The following MYO9A variants were observed in gnomAD, a reference collection of about 807,000 sequenced individuals.
MYO9A encodes unconventional myosin-IXa.
MYO9A carries 103 observed loss-of-function variants against 293.3 expected under a neutral mutation model. That is an observed-to-expected ratio of 0.35 (90% CI 0.30 to 0.41). The LOEUF is 0.41. MYO9A is among the 10% of genes least tolerant of loss of function. The pLI, the probability that MYO9A is intolerant of heterozygous loss-of-function variation, is 1.00. For missense variants in MYO9A, 2,685 were observed against 3,033.0 expected, an observed-to-expected ratio of 0.89 and a Z score of 2.69; for synonymous variants, 1,001 against 1,035.7, an observed-to-expected ratio of 0.97 and a Z score of 0.64.
At chr15:71,951,652 C>A in intron 15 of MYO9A, 125 bp downstream of exon 15, 1 of 1,021,864 alleles carries the variant, frequency 9.8e-7, no homozygotes, top group Non-Finnish European at 1.4e-6. Context: ...TATTCAAAGA[C>A]TGCTCAGAGG....
chr15:71,942,302 A>C (rs139737137), intron 15 of MYO9A, among the ~76,000 whole-genome samples: 57 of 152,178 alleles, frequency 3.7e-4, no homozygotes, highest in African/African-American at 1.4e-3. Flanking sequence ...GAGGTGGGAA[A>C]ATGTACAAGA....
In MYO9A at chr15:71,925,274, C is replaced by CGT. The variant is rs1567278337; in HGVS notation, c.2562+8395_2562+8396insAC. On this transcript the variant is annotated intron_variant, in intron 18 of 41. Coordinates refer to ENST00000356056, the MANE Select transcript of MYO9A (RefSeq NM_006901.4). Reference sequence around the variant, plus strand: ...ACGTATACACATATATACATATATACATATACGTATACACGTGTATGTACA... The same window carrying CGT: ...ACGTATACACATATATACATATATACGTATATACGTATACACGTGTATGTACA... Among the ~76,000 whole-genome samples, 1,114 of 149,256 alleles carry CGT rather than the reference C, an allele frequency of 7.5e-3. 18 individuals are homozygous for CGT. Among genetic ancestry groups the CGT allele is most frequent in the African/African-American group, 0.026 (1,043 of 40,050 alleles).
intron 1 of MYO9A, among the ~76,000 whole-genome samples, chr15:72,110,455 A>AG (rs1320618901): frequency 3.3e-5 from 5 of 151,314 alleles, no homozygotes; most frequent in African/African-American, 7.2e-5. Context: ...AAAAAAAAAA[A>AG]AAAGAAAATT....
intron 11 of MYO9A, among the ~76,000 whole-genome samples, chr15:71,982,773 A>G (rs2076308219): frequency 6.6e-6 from 1 of 152,210 alleles, no homozygotes; most frequent in Admixed American, 6.5e-5. Context: ...CTATGATGGT[A>G]AATATATTTT....
intron 9 of MYO9A, among the ~76,000 whole-genome samples, chr15:71,995,648 C>T (rs190785098): frequency 1.6e-4 from 25 of 151,564 alleles, no homozygotes; most frequent in Admixed American, 4.6e-4. Flanking sequence ...TAGTAATTTA[C>T]ATATTTATTA....
chr15:72,099,593 T>C lies in MYO9A; in HGVS notation c.-72+18087A>G, dbSNP rs569287871. Among the ~76,000 whole-genome samples the C allele has an allele frequency of 2.0e-5, 3 of 150,850 alleles. No homozygotes were observed. The South Asian group carries it at 6.3e-4, about 32-fold the overall frequency. ...CTCCAGCCTAGGCAACAGCGAGACC[T>C]TGTCTCAAAAAAAGAAAAAAAAACC... On this transcript the variant is annotated intron_variant, in intron 1 of 41. Transcript: ENST00000356056.
intron 33 of MYO9A, among the ~76,000 whole-genome samples, chr15:71,862,042 G>C (rs957627665): frequency 1.3e-5 from 2 of 152,194 alleles, no homozygotes; most frequent in African/African-American, 4.8e-5. Context: ...GAGGCAGGGA[G>C]AATCACTTGA....
chr15:72,009,916 TAA>T (rs1211643965), intron 7 of MYO9A, among the ~76,000 whole-genome samples: 1 of 152,110 alleles, frequency 6.6e-6, no homozygotes, highest in Non-Finnish European at 1.5e-5. Context: ...TTAAAAAACT[TAA>T]TAGTATAGTA....
At position 71,825,995 on chromosome 15, in the gene MYO9A, G is replaced by GTTTTTTTTTTTTTTTTTTTTTTTTT. The variant is rs11368306; in HGVS notation, c.*584_*585insAAAAAAAAAAAAAAAAAAAAAAAAA. 1.1e-5 allele frequency: 1 copy of GTTTTTTTTTTTTTTTTTTTTTTTTT among 91,526 alleles called. No individual in the cohort carries two copies. The highest frequency in any genetic ancestry group is 2.2e-5 in the Non-Finnish European group (1 of 44,770). The allele number at this position is 91,526 out of a possible 1,614,324, so 5.7% of individuals were successfully genotyped here. A position where few individuals can be genotyped will look rare whatever the true frequency, so the allele number is the denominator to read the frequency against. ...ATGGAAACAATCACGGTTTTTTTTTGTTTTTTTTTTTTTGTTTTTTTTTTT... is the reference window on the plus strand; with the variant it reads ...ATGGAAACAATCACGGTTTTTTTTTGTTTTTTTTTTTTTTTTTTTTTTTTTTTTTTTTTTTTTTGTTTTTTTTTTT... On this transcript the variant is annotated 3_prime_UTR_variant, in exon 42 of 42. Transcript: ENST00000356056.
At chr15:71,931,830 A>G (rs919675735) in intron 18 of MYO9A, among the ~76,000 whole-genome samples, 1 of 152,274 alleles carries the variant, frequency 6.6e-6, no homozygotes, top group African/African-American at 2.4e-5. Flanking sequence ...AATCTTGTTT[A>G]GTGTAGAAGA....
At chr15:71,909,611 A>G (rs1226612862) in intron 19 of MYO9A, among the ~76,000 whole-genome samples, 1 of 152,092 alleles carries the variant, frequency 6.6e-6, no homozygotes, top group Non-Finnish European at 1.5e-5. Flanking sequence ...TAATTTATCT[A>G]CTTTTCAACT....
intron 40 of MYO9A, 126 bp downstream of exon 40, chr15:71,829,983 T>TCC (rs1267194205): frequency 2.0e-6 from 2 of 999,044 alleles, no homozygotes; most frequent in African/African-American, 3.3e-5. Context: ...TCTCAACATC[T>TCC]CCTGTATCAT....
At chr15:72,025,857 A>AT (rs1357979878) in intron 4 of MYO9A, among the ~76,000 whole-genome samples, 4 of 152,174 alleles carry the variant, frequency 2.6e-5, no homozygotes, top group Non-Finnish European at 4.4e-5. Flanking sequence ...ATATTCATAT[A>AT]TTTTTTCAAG....
At chr15:71,937,192 T>C (rs1239610119) in intron 16 of MYO9A, among the ~76,000 whole-genome samples, 2 of 152,048 alleles carry the variant, frequency 1.3e-5, no homozygotes, top group Non-Finnish European at 2.9e-5. Flanking sequence ...ATTCAAAGCA[T>C]TATAGAAATT....
chr15:71,980,854 C>T (rs2076254092), intron 11 of MYO9A, among the ~76,000 whole-genome samples: 1 of 152,082 alleles, frequency 6.6e-6, no homozygotes, highest in Non-Finnish European at 1.5e-5. Flanking sequence ...AAAAAACAAA[C>T]AAACAAGCAA....
At chr15:71,905,403 T>A (rs2057601896) in intron 19 of MYO9A, among the ~76,000 whole-genome samples, 1 of 152,210 alleles carries the variant, frequency 6.6e-6, no homozygotes, top group Non-Finnish European at 1.5e-5. Flanking sequence ...ACAAAGTATG[T>A]AATGATATCC....
chr15:71,900,909 A>G lies in MYO9A; in HGVS notation c.3150+282T>C, dbSNP rs111522941. Among the ~76,000 whole-genome samples the G allele has an allele frequency of 6.3e-3, 964 of 152,330 alleles. 3 individuals carry two copies. Among genetic ancestry groups the G allele is most frequent in the Non-Finnish European group, 0.011 (781 of 68,030 alleles). On this transcript the variant is annotated intron_variant, in intron 23 of 41. Transcript: ENST00000356056. ...CTATTAAATAAAAACAACTATGTCA[A>G]CAAATATTAGGTAACTCCTTAGCCC...
At position 71,959,893 on chromosome 15, in the gene MYO9A, C is replaced by T. The variant is rs1008205254; in HGVS notation, c.2182+8G>A. The T allele has an allele frequency of 1.3e-6, 2 of 1,495,024 alleles. No homozygotes were observed. Among genetic ancestry groups the T allele is most frequent in the South Asian group, 1.1e-5 (1 of 88,938 alleles). 92.6% of individuals were successfully genotyped at this position (1,495,024 alleles called of 1,614,324 possible). A position where few individuals can be genotyped will look rare whatever the true frequency, so the allele number is the denominator to read the frequency against. On this transcript the variant is annotated splice_region_variant and intron_variant, in intron 14 of 41. Transcript: ENST00000356056. ...AAGTATGGTAGAATACTAATAACTA[C>T]TACTTACCAGTTTTTCTGTGAATGT...
intron 2 of MYO9A, chr15:72,040,163 G>A (rs1457231294): frequency 6.5e-6 from 1 of 152,690 alleles, no homozygotes; most frequent in Non-Finnish European, 1.5e-5. Flanking sequence ...CACTTTTGCT[G>A]GGAGCCCGTA....
Sources: allele counts gnomAD v4.1 joint callset (sites outside exome capture counted in the v4.1 genomes callset), GRCh38; gene constraint gnomAD v4.1.1; transcripts MANE v1.5; gene names NCBI Gene and HGNC (gene_info 2026-07-23, HGNC 2026-07-21).